Variants in CLXN observed in about 807,000 individuals in gnomAD.
CLXN encodes EF-hand calcium binding domain 1.
chr8:48,729,361 T>C, the CLXN span, among the ~76,000 whole-genome samples: 6 of 151,550 alleles, frequency 4.0e-5, no homozygotes, highest in East Asian at 1.2e-3. Flanking sequence ...CTCATCTCTA[T>C]TAAAAAAAAA....
At chr8:48,710,928 A>G in the CLXN span, 1 of 152,208 alleles carries the variant, frequency 6.6e-6, no homozygotes, top group Non-Finnish European at 1.5e-5. Flanking sequence ...TCACGATAGC[A>G]TCCCATTTGG....
At chr8:48,733,090 A>G in the CLXN span, among the ~76,000 whole-genome samples, 1 of 152,180 alleles carries the variant, frequency 6.6e-6, no homozygotes. Context: ...TGGTTAAAAT[A>G]GTAAATTTCA....
At chr8:48,731,442 C>T in the CLXN span, 1 of 1,613,568 alleles carries the variant, frequency 6.2e-7, no homozygotes, top group Non-Finnish European at 8.5e-7. Context: ...GACCTTGCCT[C>T]TCTACTCCTC....
chr8:48,727,962 G>C, the CLXN span, among the ~76,000 whole-genome samples: 212 of 152,312 alleles, frequency 1.4e-3, 2 homozygotes, highest in Admixed American at 5.2e-3. Context: ...GGGCGTATGT[G>C]GTTGCCACTT....
At chr8:48,724,003 C>T in the CLXN span, 4 of 152,210 alleles carry the variant, frequency 2.6e-5, no homozygotes, top group South Asian at 8.3e-4. Context: ...AGTACATGTT[C>T]TCCCTCTGCT....
At chr8:48,718,315 T>C in the CLXN span, among the ~76,000 whole-genome samples, 1 of 152,110 alleles carries the variant, frequency 6.6e-6, no homozygotes, top group African/African-American at 2.4e-5. Context: ...GCACCTAAAG[T>C]ATATAAAGCA....
chr8:48,730,693 C>T, the CLXN span: 2,729 of 1,073,252 alleles, frequency 2.5e-3, 42 homozygotes, highest in African/African-American at 0.039. Context: ...TAATAACTCT[C>T]AGTAAAGTAT....
chr8:48,711,264 CCGAGA>C, the CLXN span: 1 of 152,190 alleles, frequency 6.6e-6, no homozygotes, highest in Admixed American at 6.5e-5. Flanking sequence ...CTGACATCAT[CCGAGA>C]CGGCCCAAAG....
chr8:48,731,292 C>CA, the CLXN span: 1 of 1,463,664 alleles, frequency 6.8e-7, no homozygotes, highest in Non-Finnish European at 9.1e-7. Context: ...GCACCAAACC[C>CA]TTTTTTTTTC....
At chr8:48,724,840 A>G in the CLXN span, 1 of 1,570,260 alleles carries the variant, frequency 6.4e-7, no homozygotes, top group Non-Finnish European at 8.7e-7. Context: ...AAATTTCCAA[A>G]AAAGGTAGAA....
At chr8:48,730,463 G>T in the CLXN span, 1 of 950,632 alleles carries the variant, frequency 1.1e-6, no homozygotes. Context: ...TACTGTCTTG[G>T]TTGAAAGACA....
the CLXN span, chr8:48,728,923 T>A: frequency 0.047 from 29,429 of 623,876 alleles, 5,033 homozygotes; most frequent in African/African-American, 0.42. Context: ...TTTCTGTATT[T>A]AAAAGGTATT....
the CLXN span, among the ~76,000 whole-genome samples, chr8:48,718,720 A>G: frequency 1.3e-5 from 2 of 152,142 alleles, no homozygotes; most frequent in African/African-American, 4.8e-5. Context: ...TTGTTCAAAG[A>G]GGAAATCAAA....
chr8:48,720,364 T>C, the CLXN span, among the ~76,000 whole-genome samples: 3 of 152,124 alleles, frequency 2.0e-5, no homozygotes, highest in African/African-American at 7.2e-5. Context: ...GTTCTTTTCC[T>C]AGCAAGGAAT....
chr8:48,730,062 C>T, the CLXN span: 1 of 460,228 alleles, frequency 2.2e-6, no homozygotes, highest in Non-Finnish European at 3.7e-6. Flanking sequence ...TCCTGATTCT[C>T]AATTATGAAA....
chr8:48,721,123 G>A, the CLXN span, among the ~76,000 whole-genome samples: 2 of 152,036 alleles, frequency 1.3e-5, no homozygotes, highest in Non-Finnish European at 2.9e-5. Context: ...TAAAGCTGCA[G>A]GACACGAAAT....
chr8:48,716,227 G>A, the CLXN span: 8 of 153,376 alleles, frequency 5.2e-5, no homozygotes, highest in African/African-American at 1.9e-4. Context: ...CGGGTGCTAA[G>A]CCCCTCACTG....
At chr8:48,726,785 CCCATCAACCCAGTTCATCATCCAT>C in the CLXN span, among the ~76,000 whole-genome samples, 1 of 147,708 alleles carries the variant, frequency 6.8e-6, no homozygotes, top group Non-Finnish European at 1.5e-5. Flanking sequence ...ACCCACCTCA[CCCATCAACCCAGTTCATCATCCAT>C]CCATCCATCC....
chr8:48,729,818 T>C, the CLXN span: 22 of 1,613,266 alleles, frequency 1.4e-5, no homozygotes, highest in Non-Finnish European at 1.8e-5. Context: ...ATGTGAAACA[T>C]TTCCTCCTTT....
Sources: gnomAD v4.1 joint callset for allele counts (sites outside exome capture counted in the v4.1 genomes callset) on GRCh38, gnomAD v4.1.1 for gene constraint, MANE v1.5 for transcripts, NCBI Gene and HGNC (gene_info 2026-07-23, HGNC 2026-07-21) for gene names.